Variants in XRCC4 observed in about 807,000 individuals in gnomAD.
XRCC4 encodes DNA repair protein XRCC4.
Under a neutral mutation model 39.1 loss-of-function variants are expected in XRCC4, and 28 were observed. The ratio of observed to expected loss-of-function variants is 0.72; its 90% CI spans 0.53 to 0.98. The LOEUF (loss-of-function observed/expected upper bound fraction) is 0.98. XRCC4 is among the 50% of genes least tolerant of loss of function. XRCC4 has a pLI of 0.00. For synonymous variants in XRCC4, 123 were observed against 126.4 expected (o/e 0.97, Z 0.18); for missense variants, 350 against 376.4 (o/e 0.93, Z 0.58).
chr5:83,365,244 A>C, the XRCC4 span, among the ~76,000 whole-genome samples: 10 of 152,174 alleles, frequency 6.6e-5, no homozygotes, highest in African/African-American at 2.2e-4. Context: ...ACTGATGGAC[A>C]TCCATCTTCA....
At chr5:83,333,629 G>A (rs1340167759) in intron 7 of XRCC4, among the ~76,000 whole-genome samples, 2 of 152,150 alleles carry the variant, frequency 1.3e-5, no homozygotes, top group African/African-American at 4.8e-5. Context: ...CACTTCTCAT[G>A]CATAGTATCA....
chr5:83,274,598 G>T (rs1429555651), intron 7 of XRCC4, among the ~76,000 whole-genome samples: 1 of 152,194 alleles, frequency 6.6e-6, no homozygotes, highest in Non-Finnish European at 1.5e-5. Context: ...GATAATTAAG[G>T]TGATGCAAAA....
In XRCC4 at chr5:83,146,847, A is replaced by G. The variant is rs138003391; in HGVS notation, c.315+35644A>G. ...GTCCAGAAAGCCTGAATTTAAGGCG[A>G]TTAGGTTTTCTTTGTGATTTTGTCC... On this transcript the variant is annotated intron_variant, in intron 3 of 7. Transcript: ENST00000396027. Among the ~76,000 whole-genome samples the G allele has an allele frequency of 6.6e-3, 1,010 of 152,340 alleles. 9 individuals carry two copies. Among genetic ancestry groups the G allele is most frequent in the African/African-American group, 0.022 (908 of 41,584 alleles).
intron 3 of XRCC4, among the ~76,000 whole-genome samples, chr5:83,128,268 C>G (rs1013616206): frequency 1.3e-5 from 2 of 152,112 alleles, no homozygotes; most frequent in African/African-American, 4.8e-5. Flanking sequence ...ATGATGGTTT[C>G]CAGCTTCATC....
At chr5:83,242,488 C>G (rs1394872070) in intron 6 of XRCC4, among the ~76,000 whole-genome samples, 1 of 151,786 alleles carries the variant, frequency 6.6e-6, no homozygotes. Flanking sequence ...CTTTGTTGCC[C>G]AGGCTGGAAA....
intron 7 of XRCC4, among the ~76,000 whole-genome samples, chr5:83,299,723 A>G (rs183052049): frequency 4.4e-4 from 67 of 152,158 alleles, no homozygotes; most frequent in African/African-American, 1.6e-3. Flanking sequence ...ATCATGTTTT[A>G]TTTTTAGATA....
chr5:83,171,988 T>C (rs1056215734), intron 3 of XRCC4, among the ~76,000 whole-genome samples: 1 of 152,200 alleles, frequency 6.6e-6, no homozygotes, highest in Non-Finnish European at 1.5e-5. Flanking sequence ...AAATATGTTT[T>C]TACTTTCTAG....
chr5:83,368,744 T>A, the XRCC4 span, among the ~76,000 whole-genome samples: 1 of 152,182 alleles, frequency 6.6e-6, no homozygotes, highest in African/African-American at 2.4e-5. Context: ...TTTCAACCCT[T>A]ACGATATACT....
At position 83,144,988 on chromosome 5, in the gene XRCC4, C is replaced by T. The variant is rs546355020; in HGVS notation, c.315+33785C>T. Reference sequence around the variant, plus strand: ...TTGGCTCACTGCAAGCTCCGCCTCCCGAGTTCATGCCATTCTCCTGCCTCA... The same window carrying T: ...TTGGCTCACTGCAAGCTCCGCCTCCTGAGTTCATGCCATTCTCCTGCCTCA... On this transcript the variant is annotated intron_variant, in intron 3 of 7. Coordinates refer to ENST00000396027, the MANE Select transcript of XRCC4 (RefSeq NM_003401.5). Among the ~76,000 whole-genome samples the T allele has an allele frequency of 1.3e-4, 20 of 152,202 alleles. No individual in the cohort carries two copies. The East Asian group carries it at 1.7e-3, about 13-fold the overall frequency.
intron 3 of XRCC4, among the ~76,000 whole-genome samples, chr5:83,131,542 C>G (rs578137987): frequency 6.6e-6 from 1 of 152,028 alleles, no homozygotes; most frequent in East Asian, 1.9e-4. Context: ...TAAGGACTTG[C>G]GTTTTGAATC....
chr5:83,178,529 G>A (rs1234842692), intron 3 of XRCC4, among the ~76,000 whole-genome samples: 1 of 152,122 alleles, frequency 6.6e-6, no homozygotes, highest in Non-Finnish European at 1.5e-5. Context: ...GGTGTCAGAA[G>A]CCAAGCCAGT....
the XRCC4 span, among the ~76,000 whole-genome samples, chr5:83,369,220 G>A: frequency 2.0e-5 from 3 of 152,150 alleles, no homozygotes; most frequent in African/African-American, 7.2e-5. Context: ...AAATACACAA[G>A]AGAAAGCATT....
At chr5:83,128,899 T>G (rs1479754632) in intron 3 of XRCC4, among the ~76,000 whole-genome samples, 2 of 152,242 alleles carry the variant, frequency 1.3e-5, no homozygotes, top group Non-Finnish European at 2.9e-5. Flanking sequence ...GGGTAGATTG[T>G]AGAAATTTTC....
At chr5:83,205,558 C>T (rs1751388382) in intron 6 of XRCC4, among the ~76,000 whole-genome samples, 1 of 152,050 alleles carries the variant, frequency 6.6e-6, no homozygotes, top group African/African-American at 2.4e-5. Flanking sequence ...TCATTTTATA[C>T]TTAGATGGTT....
intron 7 of XRCC4, among the ~76,000 whole-genome samples, chr5:83,286,747 C>T (rs1174456982): frequency 6.6e-6 from 1 of 151,984 alleles, no homozygotes; most frequent in Non-Finnish European, 1.5e-5. Context: ...AATCAGATGA[C>T]ACATAAAACT....
intron 3 of XRCC4, among the ~76,000 whole-genome samples, chr5:83,141,598 T>A (rs1274793668): frequency 6.6e-6 from 1 of 152,072 alleles, no homozygotes; most frequent in Non-Finnish European, 1.5e-5. Flanking sequence ...AGGTCATTTC[T>A]GTGTCTTTTT....
intron 7 of XRCC4, among the ~76,000 whole-genome samples, chr5:83,332,618 GCTT>G (rs1756473980): frequency 6.6e-6 from 1 of 152,152 alleles, no homozygotes. Flanking sequence ...ACATGGACTT[GCTT>G]CTTATTTCAC....
intron 7 of XRCC4, among the ~76,000 whole-genome samples, chr5:83,312,996 A>G (rs1755755977): frequency 6.6e-6 from 1 of 152,146 alleles, no homozygotes; most frequent in South Asian, 2.1e-4. Flanking sequence ...CTCAAAGGGC[A>G]AAAGGCAAAA....
intron 2 of XRCC4, among the ~76,000 whole-genome samples, chr5:83,110,589 T>G (rs182417078): frequency 8.0e-4 from 121 of 151,834 alleles, no homozygotes; most frequent in Non-Finnish European, 1.0e-3. Flanking sequence ...TGAGCTCCAC[T>G]TTTGCTTTTG....
Sources: gnomAD v4.1 joint callset for allele counts (sites outside exome capture counted in the v4.1 genomes callset) on GRCh38, gnomAD v4.1.1 for gene constraint, MANE v1.5 for transcripts, NCBI Gene and HGNC (gene_info 2026-07-23, HGNC 2026-07-21) for gene names.